Variants in LDB2 observed in about 807,000 individuals in gnomAD.
The protein encoded by LDB2 is LIM domain-binding protein 2.
In LDB2, 12 loss-of-function variants were observed where a neutral mutation model predicts 44.3. The ratio of observed to expected loss-of-function variants is 0.27; its 90% CI spans 0.17 to 0.44. The LOEUF is 0.44. Among genes scored for constraint, LDB2 ranks in the 20% least tolerant of loss-of-function variants. The probability of loss-of-function intolerance (pLI) is 1.00; values close to 1 mark genes in which losing one functional copy is unlikely to be tolerated. For synonymous variants in LDB2, 164 were observed against 174.8 expected, an observed-to-expected ratio of 0.94 and a Z score of 0.49; for missense variants, 344 against 473.5, an observed-to-expected ratio of 0.73 and a Z score of 2.54.
At chr4:16,742,128 G>A (rs1763405920) in intron 2 of LDB2, among the ~76,000 whole-genome samples, 1 of 138,698 alleles carries the variant, frequency 7.2e-6, no homozygotes, top group South Asian at 2.3e-4. Context: ...CTGGAGTTCA[G>A]TGGCACAATC....
At chr4:16,748,333 G>T (rs751610815) in intron 2 of LDB2, among the ~76,000 whole-genome samples, 6 of 152,168 alleles carry the variant, frequency 3.9e-5, no homozygotes, top group Non-Finnish European at 7.4e-5. Context: ...TGGCATAATG[G>T]TTTGTGAAGC....
At chr4:16,701,656 G>T (rs1578897971) in intron 2 of LDB2, among the ~76,000 whole-genome samples, 2 of 152,300 alleles carry the variant, frequency 1.3e-5, no homozygotes, top group South Asian at 4.2e-4. Context: ...AAAGCAAGGG[G>T]TTCTACCAGT....
intron 2 of LDB2, among the ~76,000 whole-genome samples, chr4:16,700,477 C>A (rs1302367405): frequency 6.6e-6 from 1 of 152,226 alleles, no homozygotes. Context: ...TACACGTAAA[C>A]ACATTCACAA....
intron 2 of LDB2, among the ~76,000 whole-genome samples, chr4:16,697,748 G>A (rs1752515124): frequency 6.6e-6 from 1 of 152,168 alleles, no homozygotes; most frequent in Non-Finnish European, 1.5e-5. Context: ...AGTGTTGGAG[G>A]AAAAGTGGTG....
At chr4:16,894,745 G>C (rs1724420792) in intron 1 of LDB2, among the ~76,000 whole-genome samples, 1 of 152,114 alleles carries the variant, frequency 6.6e-6, no homozygotes, top group South Asian at 2.1e-4. Context: ...TAATTTAAAT[G>C]CATTGGTTTT....
chr4:16,832,399 G>A (rs1472518907), intron 1 of LDB2, among the ~76,000 whole-genome samples: 1 of 152,148 alleles, frequency 6.6e-6, no homozygotes, highest in African/African-American at 2.4e-5. Flanking sequence ...TGAAATTATA[G>A]AGAAAGAAAA....
chr4:16,890,645 A>G (rs1367591504), intron 1 of LDB2, among the ~76,000 whole-genome samples: 1 of 152,200 alleles, frequency 6.6e-6, no homozygotes, highest in Non-Finnish European at 1.5e-5. Context: ...GTGAAAAGTC[A>G]GATGATCCAG....
At chr4:16,561,439 G>A (rs925487441) in intron 5 of LDB2, among the ~76,000 whole-genome samples, 1 of 152,108 alleles carries the variant, frequency 6.6e-6, no homozygotes, top group African/African-American at 2.4e-5. Flanking sequence ...CAAACAGAGA[G>A]CCAAAACATG....
chr4:16,735,226 C>T (rs1027354651), intron 2 of LDB2, among the ~76,000 whole-genome samples: 1 of 152,078 alleles, frequency 6.6e-6, no homozygotes, highest in Non-Finnish European at 1.5e-5. Flanking sequence ...CCCGCAGTCC[C>T]CTGATATGGT....
At chr4:16,700,923 T>C (rs997387903) in intron 2 of LDB2, among the ~76,000 whole-genome samples, 1 of 152,222 alleles carries the variant, frequency 6.6e-6, no homozygotes, top group Non-Finnish European at 1.5e-5. Context: ...TGAACAATAC[T>C]AATATAAATA....
intron 2 of LDB2, among the ~76,000 whole-genome samples, chr4:16,726,116 A>G (rs1298659526): frequency 6.6e-6 from 1 of 152,006 alleles, no homozygotes; most frequent in African/African-American, 2.4e-5. Context: ...AAACAGAAAA[A>G]TAGTAATTTC....
chr4:16,671,791 G>A (rs1043416133), intron 2 of LDB2, among the ~76,000 whole-genome samples: 3 of 152,054 alleles, frequency 2.0e-5, no homozygotes, highest in South Asian at 2.1e-4. Context: ...ACCATCCACC[G>A]AGAGCTCCTC....
chr4:16,630,568 G>T (rs1312761346), intron 2 of LDB2, among the ~76,000 whole-genome samples: 2 of 152,150 alleles, frequency 1.3e-5, no homozygotes, highest in Non-Finnish European at 2.9e-5. Context: ...ATAAGGATAG[G>T]ATAAAATTCA....
chr4:16,753,937 C>T (rs559183689), intron 2 of LDB2, among the ~76,000 whole-genome samples: 6 of 152,128 alleles, frequency 3.9e-5, no homozygotes, highest in African/African-American at 9.7e-5. Flanking sequence ...GGGATGAAAG[C>T]GCTGCCAAAA....
At chr4:16,707,989 C>T (rs910404218) in intron 2 of LDB2, among the ~76,000 whole-genome samples, 2 of 152,134 alleles carry the variant, frequency 1.3e-5, no homozygotes, top group African/African-American at 2.4e-5. Context: ...AGCCATTTCC[C>T]GTGTTCAAAC....
At chr4:16,769,094 G>C (rs1207075216) in intron 1 of LDB2, among the ~76,000 whole-genome samples, 1 of 152,080 alleles carries the variant, frequency 6.6e-6, no homozygotes, top group Non-Finnish European at 1.5e-5. Context: ...CTGAACGTTT[G>C]GGTCTCTCTC....
chr4:16,825,003 T>C (rs79878313), intron 1 of LDB2, among the ~76,000 whole-genome samples: 4,393 of 152,238 alleles, frequency 0.029, 198 homozygotes, highest in African/African-American at 0.093. Context: ...AGTAAATACA[T>C]GTGGGATAAC....
intron 1 of LDB2, among the ~76,000 whole-genome samples, chr4:16,829,208 A>T (rs114127409): frequency 1.6e-3 from 249 of 152,300 alleles, no homozygotes; most frequent in African/African-American, 5.1e-3. Context: ...GAACATGCTC[A>T]CTGGCTACCC....
chr4:16,620,704 G>C (rs556700565), intron 2 of LDB2, among the ~76,000 whole-genome samples: 1 of 152,124 alleles, frequency 6.6e-6, no homozygotes, highest in African/African-American at 2.4e-5. Flanking sequence ...TCCTCTTCCT[G>C]TTCTTGAATA....
Sources: gnomAD v4.1 joint callset for allele counts (sites outside exome capture counted in the v4.1 genomes callset) on GRCh38, gnomAD v4.1.1 for gene constraint, MANE v1.5 for transcripts, NCBI Gene and HGNC (gene_info 2026-07-23, HGNC 2026-07-21) for gene names.